CACNA1C: variants seen among roughly 807,000 people sequenced by gnomAD.
The protein encoded by CACNA1C is calcium voltage-gated channel subunit alpha1 C.
A neutral mutation model predicts 229.0 loss-of-function variants in CACNA1C; 30 were observed. The ratio of observed to expected loss-of-function variants is 0.13; its 90% CI spans 0.10 to 0.18. The LOEUF (loss-of-function observed/expected upper bound fraction) is 0.18, where lower values mean the gene tolerates loss of function less well. CACNA1C is among the 10% of genes least tolerant of loss of function. The probability of loss-of-function intolerance (pLI) is 1.00; values close to 1 mark genes in which losing one functional copy is unlikely to be tolerated. For missense variants in CACNA1C, 1,658 were observed against 2,845.0 expected (o/e 0.58, Z 9.49); for synonymous variants, 1,114 against 1,132.5 (o/e 0.98, Z 0.33).
At position 2,029,346 on chromosome 12, in the gene CACNA1C, C is replaced by A. The variant is rs999785903; in HGVS notation, c.139+58145C>A. The stretch of plus-strand genomic sequence containing the variant: ...ATGTGAAATCCAGAGCTATGTAACA[C>A]ATCCGCAATATACACCATCACCACT... On this transcript the variant is annotated intron_variant, in intron 1 of 46. Coordinates refer to the CACNA1C transcript ENST00000682462. This position sits in a 1 kb window ranked among gnomAD's most constrained non-coding sequence, Gnocchi z 4.9. Among the ~76,000 whole-genome samples, 1 of 152,180 alleles carries A rather than the reference C, an allele frequency of 6.6e-6. No homozygotes were observed. The highest frequency in any genetic ancestry group is 1.5e-5 in the Non-Finnish European group (1 of 68,042).
chr12:2,276,544 T>C (rs1406164871), intron 3 of CACNA1C, among the ~76,000 whole-genome samples: 1 of 152,264 alleles, frequency 6.6e-6, no homozygotes, highest in Non-Finnish European at 1.5e-5. Flanking sequence ...AGGTCCCTTA[T>C]GCTTCTTGCT....
At chr12:2,106,775 C>T (rs2078960969) in intron 1 of CACNA1C, among the ~76,000 whole-genome samples, 1 of 130,048 alleles carries the variant, frequency 7.7e-6, no homozygotes, top group South Asian at 2.6e-4. Flanking sequence ...TCCACCTCAG[C>T]TGGGCGTCCT....
In CACNA1C at chr12:2,679,759, C is replaced by T. The variant is rs113157354; in HGVS notation, c.5407C>T (p.Arg1803Trp). 138 of 1,590,758 alleles carry T rather than the reference C, an allele frequency of 8.7e-5. 1 individual carries two copies. The highest frequency in any genetic ancestry group is 1.1e-4 in the Non-Finnish European group (124 of 1,167,918). The change falls in exon 42 of 47, where the codon CGG becomes TGG. Residue 1803 changes from arginine to tryptophan, a missense_variant. By Grantham distance (101) the Arg-to-Trp change is moderately radical. This residue lies in a region of CACNA1C where 590 missense variants were observed against 700.8 expected (regional missense o/e 0.84). Coordinates refer to ENST00000399655, the MANE Select transcript of CACNA1C (RefSeq NM_000719.7). This position sits in a 1 kb window ranked among gnomAD's most constrained non-coding sequence, Gnocchi z 5.5. ...GHGPPLSPAI[R>W]VQEVAWKLSS... ...CGGGCCCCCCTTGTCCCCTGCCATC[C>T]GGGTGCAGGAGGTGGCGTGGAAGCT... is the stretch of plus-strand genomic sequence containing the variant.
At chr12:2,584,401 C>G in intron 15 of CACNA1C, 102 bp from the exon 16 acceptor site, 1 of 761,608 alleles carries the variant, frequency 1.3e-6, no homozygotes, top group East Asian at 2.6e-5. Flanking sequence ...CAAGCTCTCT[C>G]TGCTGAGGAG....
At chr12:2,267,384 A>C (rs970715722) in intron 3 of CACNA1C, among the ~76,000 whole-genome samples, 16 of 152,194 alleles carry the variant, frequency 1.1e-4, no homozygotes, top group Non-Finnish European at 1.9e-4. Context: ...AGATCACTCA[A>C]CTAGGAACTA....
At chr12:2,318,780 T>G (rs2095821334) in intron 3 of CACNA1C, among the ~76,000 whole-genome samples, 1 of 145,866 alleles carries the variant, frequency 6.9e-6, no homozygotes, top group African/African-American at 2.6e-5. Context: ...GGATGGAGGA[T>G]GGGAAATAGG....
intron 10 of CACNA1C, 128 bp from the exon 11 acceptor site, chr12:2,556,823 C>T (rs2044562367): frequency 3.9e-6 from 3 of 773,408 alleles, no homozygotes; most frequent in Admixed American, 1.9e-5. Flanking sequence ...TTCTAGTTCA[C>T]ACCATGCCTC....
In CACNA1C at chr12:2,651,594, C is replaced by T. The variant is rs112919597; in HGVS notation, c.3946-46C>T. The T allele has an allele frequency of 2.4e-5, 39 of 1,613,840 alleles. No homozygotes were observed. Among genetic ancestry groups the T allele is most frequent in the Non-Finnish European group, 3.0e-5 (35 of 1,179,818 alleles). ...CGGAGGGGCCCTCCTGTTCTCACCC[C>T]CCTCTTGCTGTGCTAACTGCACCTC... On this transcript the variant is annotated intron_variant, in intron 31 of 46. Coordinates refer to ENST00000399655, the MANE Select transcript of CACNA1C (RefSeq NM_000719.7). The surrounding 1 kb of genome is among the most constrained non-coding windows in gnomAD (Gnocchi z 5.4).
At chr12:2,584,444 C>A (rs1425386967) in intron 15 of CACNA1C, 59 bp from the exon 16 acceptor site, 2 of 1,255,202 alleles carry the variant, frequency 1.6e-6, no homozygotes, top group Non-Finnish European at 2.3e-6. Context: ...CCCCCGTGCC[C>A]CTGTGCCCAC....
intron 3 of CACNA1C, among the ~76,000 whole-genome samples, chr12:2,345,632 G>GT (rs760097051): frequency 3.3e-5 from 5 of 152,158 alleles, no homozygotes; most frequent in African/African-American, 4.8e-5. Context: ...GGAACCATCT[G>GT]TTTAACTTTG....
At chr12:2,533,033 T>C (rs1468239250) in intron 9 of CACNA1C, among the ~76,000 whole-genome samples, 1 of 152,130 alleles carries the variant, frequency 6.6e-6, no homozygotes, top group Admixed American at 6.5e-5. Flanking sequence ...AATTACAGAA[T>C]AGTTCTAAGA....
chr12:2,235,559 C>T (rs1210239229), intron 3 of CACNA1C, among the ~76,000 whole-genome samples: 1 of 152,164 alleles, frequency 6.6e-6, no homozygotes, highest in African/African-American at 2.4e-5. Context: ...ACTAGGGGTC[C>T]ATCTCTCCCA....
At chr12:2,333,309 C>T (rs537938465) in intron 3 of CACNA1C, among the ~76,000 whole-genome samples, 2 of 152,298 alleles carry the variant, frequency 1.3e-5, no homozygotes, top group South Asian at 4.2e-4. Flanking sequence ...TGGGAGACTC[C>T]AAAACCTGTG....
chr12:2,411,398 G>A (rs1035368603), intron 3 of CACNA1C, among the ~76,000 whole-genome samples: 2 of 152,052 alleles, frequency 1.3e-5, no homozygotes, highest in South Asian at 4.1e-4. Context: ...GGAGGTGGGG[G>A]GTACACTGGA....
chr12:2,455,414 A>G lies in CACNA1C; in HGVS notation c.618-2153A>G, dbSNP rs749652626. Among the ~76,000 whole-genome samples the G allele has an allele frequency of 8.2e-4, 125 of 152,350 alleles. 1 individual carries two copies. The highest frequency in any genetic ancestry group is 1.5e-3 in the Non-Finnish European group (103 of 68,036). On this transcript the variant is annotated intron_variant, in intron 4 of 46. Coordinates refer to ENST00000399655, the MANE Select transcript of CACNA1C (RefSeq NM_000719.7). The stretch of plus-strand genomic sequence containing the variant: ...CAAAACAAGGAATGACAAATGTCTC[A>G]TGAATGATTTTTTATATTTATTACA...
chr12:2,512,776 GCTCT>G lies in CACNA1C; in HGVS notation c.1218-34_1218-31del, dbSNP rs1367140641. 3.3e-6 allele frequency: 5 copies of G among 1,536,148 alleles called. No homozygotes were observed. Among genetic ancestry groups the G allele is most frequent in the Non-Finnish European group, 4.4e-6 (5 of 1,131,532 alleles). ...TTCTCGGTGCTCCCTCCTTCTCTGT[GCTCT>G]CCTGCCCTGCCCCTCCTCTCACTCT... On this transcript the variant is annotated intron_variant, in intron 8 of 46. Coordinates refer to ENST00000399655, the MANE Select transcript of CACNA1C (RefSeq NM_000719.7). This position sits in a 1 kb window ranked among gnomAD's most constrained non-coding sequence, Gnocchi z 4.3.
At chr12:2,548,072 T>TA (rs900928054) in intron 9 of CACNA1C, among the ~76,000 whole-genome samples, 1 of 148,998 alleles carries the variant, frequency 6.7e-6, no homozygotes, top group African/African-American at 2.4e-5. Flanking sequence ...AAATAAAAAA[T>TA]AAAAAAAACC....
intron 3 of CACNA1C, among the ~76,000 whole-genome samples, chr12:2,304,715 G>T (rs2094872908): frequency 6.6e-6 from 1 of 152,170 alleles, no homozygotes; most frequent in African/African-American, 2.4e-5. Flanking sequence ...CCAGCCCTCT[G>T]CACCACACAG....
chr12:2,122,988 C>T (rs1018198037), intron 3 of CACNA1C, among the ~76,000 whole-genome samples: 19 of 152,246 alleles, frequency 1.2e-4, no homozygotes, highest in African/African-American at 4.6e-4. Flanking sequence ...GCAGGGATGC[C>T]GATGATTAGT....
Sources: allele counts gnomAD v4.1 joint callset (sites outside exome capture counted in the v4.1 genomes callset), GRCh38; gene constraint gnomAD v4.1.1; regional missense constraint gnomAD v4.1.1; non-coding constraint Gnocchi (gnomAD v3.1); transcripts MANE v1.5; gene names NCBI Gene and HGNC (gene_info 2026-07-23, HGNC 2026-07-21).